RAP1GDS1: variants seen among roughly 807,000 people sequenced by gnomAD.
RAP1GDS1 encodes the protein RAP1, GTP-GDP dissociation stimulator 1.
A neutral mutation model predicts 71.1 loss-of-function variants in RAP1GDS1; 35 were observed. The observed-to-expected ratio is 0.49, with a 90% CI of 0.38 to 0.65. The LOEUF is 0.65. RAP1GDS1 is among the 30% of genes least tolerant of loss of function. The pLI, the probability that RAP1GDS1 is intolerant of heterozygous loss-of-function variation, is 0.00. For missense variants in RAP1GDS1, 663 were observed against 706.1 expected (o/e 0.94, Z 0.69); for synonymous variants, 229 against 243.1 (o/e 0.94, Z 0.54).
At chr4:98,309,513 TGG>T (rs199919721) in intron 2 of RAP1GDS1, among the ~76,000 whole-genome samples, 10,004 of 151,994 alleles carry the variant, frequency 0.066, 363 homozygotes, top group Admixed American at 0.13. Flanking sequence ...GGAAGAATAA[TGG>T]AAATATTAAA....
Position 98,392,999 on chromosome 4 carries a change from C to T in RAP1GDS1, c.637+919C>T, listed in dbSNP as rs192589793. Among the ~76,000 whole-genome samples the T allele has an allele frequency of 2.2e-4, 33 of 152,238 alleles. No individual in the cohort carries two copies. The East Asian group carries it at 6.2e-3, about 29-fold the overall frequency. On this transcript the variant is annotated intron_variant, in intron 6 of 14. Coordinates refer to ENST00000408927, the MANE Select transcript of RAP1GDS1 (RefSeq NM_001100427.2). ...TCATTTTTCTCTTTGTTATGGATTA[C>T]CCTTTCTTCTTCCCCACGCCCCCAC... is the stretch of plus-strand genomic sequence containing the variant.
intron 9 of RAP1GDS1, among the ~76,000 whole-genome samples, chr4:98,417,721 G>A (rs1748224141): frequency 6.6e-6 from 1 of 152,126 alleles, no homozygotes; most frequent in Non-Finnish European, 1.5e-5. Flanking sequence ...ATCATGAAGT[G>A]CTTCTTTTGA....
At chr4:98,385,329 C>G (rs1257767792) in intron 5 of RAP1GDS1, among the ~76,000 whole-genome samples, 1 of 151,608 alleles carries the variant, frequency 6.6e-6, no homozygotes, top group African/African-American at 2.4e-5. Flanking sequence ...TGTTCCTATA[C>G]TAGTTGAAAT....
intron 5 of RAP1GDS1, among the ~76,000 whole-genome samples, chr4:98,391,517 GA>G (rs1230626624): frequency 6.6e-6 from 1 of 151,846 alleles, no homozygotes; most frequent in Non-Finnish European, 1.5e-5. Context: ...AGGATTCTAA[GA>G]TTTTTTTCTT....
chr4:98,399,291 A>C (rs1018160307), intron 6 of RAP1GDS1, among the ~76,000 whole-genome samples: 3 of 152,208 alleles, frequency 2.0e-5, no homozygotes, highest in African/African-American at 7.2e-5. Context: ...ACAGAATGGG[A>C]GAAAATATTT....
chr4:98,402,007 C>A (rs906359594), intron 6 of RAP1GDS1, among the ~76,000 whole-genome samples: 1 of 152,180 alleles, frequency 6.6e-6, no homozygotes, highest in African/African-American at 2.4e-5. Context: ...CTCACTTGGA[C>A]AATTCTCTGA....
chr4:98,289,568 A>G (rs1166561776), intron 1 of RAP1GDS1, among the ~76,000 whole-genome samples: 2 of 151,270 alleles, frequency 1.3e-5, no homozygotes, highest in Non-Finnish European at 3.0e-5. Context: ...AAAAAAAAAA[A>G]AAAAAAAGAA....
intron 10 of RAP1GDS1, 82 bp from the exon 11 acceptor site, chr4:98,419,937 A>C (rs1748572877): frequency 8.1e-7 from 1 of 1,241,912 alleles, no homozygotes. Context: ...TCTTAAAGAT[A>C]CTTAATAAAC....
At chr4:98,403,404 G>A (rs1426513799) in intron 6 of RAP1GDS1, among the ~76,000 whole-genome samples, 1 of 152,178 alleles carries the variant, frequency 6.6e-6, no homozygotes. Flanking sequence ...TGTGGAAGTT[G>A]AGTGATAATA....
At chr4:98,392,731 T>C (rs1035392516) in intron 6 of RAP1GDS1, among the ~76,000 whole-genome samples, 7 of 152,162 alleles carry the variant, frequency 4.6e-5, no homozygotes, top group African/African-American at 1.7e-4. Flanking sequence ...TTACATTTCA[T>C]ATAAATTGCA....
intron 2 of RAP1GDS1, among the ~76,000 whole-genome samples, chr4:98,316,936 G>A (rs896790508): frequency 2.6e-5 from 4 of 152,142 alleles, no homozygotes; most frequent in East Asian, 1.9e-4. Context: ...TAAGGATGCC[G>A]CTATGGGATG....
At chr4:98,363,616 GAAAC>G (rs1253985896) in intron 4 of RAP1GDS1, among the ~76,000 whole-genome samples, 4 of 151,476 alleles carry the variant, frequency 2.6e-5, no homozygotes, top group Non-Finnish European at 4.4e-5. Flanking sequence ...TAAAGTTCAA[GAAAC>G]AAACAAAAGT....
chr4:98,316,584 G>T (rs757608520), intron 2 of RAP1GDS1, among the ~76,000 whole-genome samples: 4 of 152,236 alleles, frequency 2.6e-5, no homozygotes, highest in South Asian at 2.1e-4. Flanking sequence ...CTGGAGGGTT[G>T]TTGTGGTACT....
At chr4:98,308,430 A>C (rs962425338) in intron 2 of RAP1GDS1, among the ~76,000 whole-genome samples, 1 of 149,526 alleles carries the variant, frequency 6.7e-6, no homozygotes, top group Non-Finnish European at 1.5e-5. Flanking sequence ...TGATTGTGCC[A>C]CTGCACTCTA....
intron 6 of RAP1GDS1, chr4:98,396,833 T>C (rs1297696205): frequency 6.6e-6 from 1 of 152,246 alleles, no homozygotes; most frequent in Non-Finnish European, 1.5e-5. Flanking sequence ...TGTCACATAC[T>C]TCTGAATATG....
At chr4:98,407,912 A>C (rs1286682054) in intron 7 of RAP1GDS1, among the ~76,000 whole-genome samples, 1 of 152,120 alleles carries the variant, frequency 6.6e-6, no homozygotes, top group Non-Finnish European at 1.5e-5. Flanking sequence ...ACACAAACAT[A>C]TAATTACTAC....
intron 7 of RAP1GDS1, among the ~76,000 whole-genome samples, chr4:98,410,397 T>C (rs1022156807): frequency 6.6e-6 from 1 of 152,128 alleles, no homozygotes; most frequent in African/African-American, 2.4e-5. Flanking sequence ...CACTGGAAAG[T>C]CTCATAAACC....
At chr4:98,382,881 G>A (rs1025061805) in intron 5 of RAP1GDS1, among the ~76,000 whole-genome samples, 12 of 151,590 alleles carry the variant, frequency 7.9e-5, no homozygotes, top group Non-Finnish European at 7.4e-5. Context: ...CCTTATCTAC[G>A]TATGATACAT....
intron 2 of RAP1GDS1, among the ~76,000 whole-genome samples, chr4:98,297,961 A>G (rs1353679758): frequency 1.3e-5 from 2 of 152,116 alleles, no homozygotes; most frequent in East Asian, 1.9e-4. Flanking sequence ...TAAAAGTTCT[A>G]CTCCACTGAA....
Sources: allele counts gnomAD v4.1 joint callset (sites outside exome capture counted in the v4.1 genomes callset), GRCh38; gene constraint gnomAD v4.1.1; transcripts MANE v1.5; gene names NCBI Gene and HGNC (gene_info 2026-07-23, HGNC 2026-07-21).